HRH1: variants seen among roughly 807,000 people sequenced by gnomAD.
The protein encoded by HRH1 is histamine H1 receptor.
In HRH1, 6 loss-of-function variants were observed where a neutral mutation model predicts 10.3. The ratio of observed to expected loss-of-function variants is 0.58; its 90% confidence interval spans 0.32 to 1.15. The LOEUF (loss-of-function observed/expected upper bound fraction) is 1.15. HRH1 is among the 50% of genes most tolerant of loss of function. The probability of loss-of-function intolerance (pLI) is 0.05; values close to 1 mark genes in which losing one functional copy is unlikely to be tolerated. For missense variants in HRH1, 514 were observed against 615.3 expected (o/e 0.84, Z 1.74); for synonymous variants, 242 against 236.7 (o/e 1.02, Z -0.21).
At chr3:11,227,930 A>G (rs568186625) in intron 1 of HRH1, among the ~76,000 whole-genome samples, 1 of 152,234 alleles carries the variant, frequency 6.6e-6, no homozygotes, top group Non-Finnish European at 1.5e-5. Context: ...TCCCTAAGGC[A>G]TATCAAAAAC....
intron 1 of HRH1, among the ~76,000 whole-genome samples, chr3:11,180,517 C>T (rs951913006): frequency 1.3e-5 from 2 of 152,168 alleles, no homozygotes; most frequent in Non-Finnish European, 2.9e-5. Flanking sequence ...GCTTGCTTGC[C>T]TACCACCCAT....
intron 1 of HRH1, among the ~76,000 whole-genome samples, chr3:11,217,564 CA>C (rs1234639868): frequency 6.6e-6 from 1 of 151,894 alleles, no homozygotes; most frequent in African/African-American, 2.4e-5. Flanking sequence ...TGGTGAGTGC[CA>C]GGGGTTGAGG....
chr3:11,140,294 T>C (rs1017084163), intron 1 of HRH1, among the ~76,000 whole-genome samples: 2 of 152,016 alleles, frequency 1.3e-5, no homozygotes, highest in Non-Finnish European at 2.9e-5. Context: ...GAGAACTAAA[T>C]CACAGGAATG....
intron 1 of HRH1, among the ~76,000 whole-genome samples, chr3:11,220,347 G>A (rs186730061): frequency 5.4e-4 from 83 of 152,294 alleles, no homozygotes; most frequent in African/African-American, 1.9e-3. Flanking sequence ...TCTGAGGCCG[G>A]TTACCTCATC....
intron 1 of HRH1, among the ~76,000 whole-genome samples, chr3:11,251,932 T>C (rs973195807): frequency 6.6e-6 from 1 of 152,206 alleles, no homozygotes; most frequent in Non-Finnish European, 1.5e-5. Context: ...TTAAGAATTT[T>C]TGACAGGAAG....
At chr3:11,247,996 G>A (rs954243448) in intron 1 of HRH1, among the ~76,000 whole-genome samples, 2 of 152,188 alleles carry the variant, frequency 1.3e-5, no homozygotes, top group African/African-American at 4.8e-5. Context: ...CATGAGGGTT[G>A]TAAAGGGGTC....
chr3:11,251,711 T>G (rs1300958838), intron 1 of HRH1, among the ~76,000 whole-genome samples: 1 of 152,224 alleles, frequency 6.6e-6, no homozygotes, highest in Non-Finnish European at 1.5e-5. Flanking sequence ...TAGTTCGGAT[T>G]AAATCATCTT....
In HRH1 at chr3:11,242,480, C is replaced by CAA. The variant is rs35809891; in HGVS notation, c.-35-16495_-35-16494dup. 1.8e-3 allele frequency among the ~76,000 whole-genome samples: 93 copies of CAA among 50,378 alleles called. 4 individuals carry two copies. The highest frequency in any genetic ancestry group is 3.1e-3 in the South Asian group (2 of 636). 33.0% of individuals were successfully genotyped at this position (50,378 alleles called of 152,430 possible). On this transcript the variant is annotated intron_variant, in intron 1 of 1. Transcript: ENST00000431010. Reference sequence around the variant, plus strand: ...TGGGCAACAGAGCCAGACTCCGTCTCAAAAAAAAAAAAAAAAAAAAAAAAA... The same window carrying CAA: ...TGGGCAACAGAGCCAGACTCCGTCTCAAAAAAAAAAAAAAAAAAAAAAAAAAA...
chr3:11,154,340 T>A (rs1157873714), upstream of HRH1, among the ~76,000 whole-genome samples: 13 of 151,436 alleles, frequency 8.6e-5, no homozygotes, highest in Admixed American at 8.5e-4. This position sits in a 1 kb window ranked among gnomAD's most constrained non-coding sequence, Gnocchi z 4.4. Flanking sequence ...GGGGCGGCCC[T>A]GGGCGCGTGG....
chr3:11,219,779 T>G (rs1014817418), intron 1 of HRH1, among the ~76,000 whole-genome samples: 1 of 151,008 alleles, frequency 6.6e-6, no homozygotes, highest in African/African-American at 2.4e-5. Context: ...ATCAATGCAC[T>G]GGTATCTGCT....
upstream of HRH1, among the ~76,000 whole-genome samples, chr3:11,149,725 C>G (rs921269579): frequency 1.3e-5 from 2 of 152,234 alleles, no homozygotes; most frequent in Non-Finnish European, 2.9e-5. Flanking sequence ...CAAAGACAAA[C>G]AGAATTTATG....
At chr3:11,247,993 G>T (rs59251428) in intron 1 of HRH1, among the ~76,000 whole-genome samples, 18,629 of 152,134 alleles carry the variant, frequency 0.12, 1,888 homozygotes, top group South Asian at 0.33. Context: ...CTCCATGAGG[G>T]TTGTAAAGGG....
chr3:11,174,941 G>T (rs941577626), intron 1 of HRH1, among the ~76,000 whole-genome samples: 2 of 152,178 alleles, frequency 1.3e-5, no homozygotes, highest in African/African-American at 4.8e-5. Flanking sequence ...AGAAAGAATG[G>T]GTCCCGGATT....
intron 1 of HRH1, among the ~76,000 whole-genome samples, chr3:11,161,807 G>GA (rs1430043429): frequency 6.6e-6 from 1 of 152,136 alleles, no homozygotes; most frequent in African/African-American, 2.4e-5. Flanking sequence ...ACCAAGCCTT[G>GA]AAAACCTCCA....
At chr3:11,183,842 G>A (rs917577567) in intron 1 of HRH1, among the ~76,000 whole-genome samples, 1 of 138,364 alleles carries the variant, frequency 7.2e-6, no homozygotes, top group Non-Finnish European at 1.5e-5. Context: ...GAAACCCACA[G>A]TAGGAAAGCT....
At chr3:11,178,153 A>G (rs977497773) in intron 1 of HRH1, among the ~76,000 whole-genome samples, 1 of 151,944 alleles carries the variant, frequency 6.6e-6, no homozygotes, top group East Asian at 1.9e-4. Flanking sequence ...CTCTTATCTC[A>G]TGCATACTTT....
intron 1 of HRH1, among the ~76,000 whole-genome samples, chr3:11,162,811 G>A (rs1286755059): frequency 6.6e-6 from 1 of 152,168 alleles, no homozygotes; most frequent in African/African-American, 2.4e-5. Flanking sequence ...AGGAGGCAGG[G>A]TTAAAGCAGT....
At chr3:11,233,775 A>G in intron 1 of HRH1, among the ~76,000 whole-genome samples, 1 of 152,216 alleles carries the variant, frequency 6.6e-6, no homozygotes, top group Non-Finnish European at 1.5e-5. Context: ...GGGTTTGCAG[A>G]AATCGTATCT....
intron 1 of HRH1, among the ~76,000 whole-genome samples, chr3:11,217,838 A>G (rs969161699): frequency 1.3e-5 from 2 of 152,196 alleles, no homozygotes; most frequent in Non-Finnish European, 2.9e-5. Context: ...ATTATATACC[A>G]CCTAGAGAAG....
Sources: gnomAD v4.1 joint callset for allele counts (sites outside exome capture counted in the v4.1 genomes callset) on GRCh38, gnomAD v4.1.1 for gene constraint, Gnocchi (gnomAD v3.1) non-coding constraint, MANE v1.5 for transcripts, NCBI Gene and HGNC (gene_info 2026-07-23, HGNC 2026-07-21) for gene names.